Variants in SNX6 observed in about 807,000 individuals in gnomAD.
The protein encoded by SNX6 is sorting nexin 6.
Under a neutral mutation model 63.0 loss-of-function variants are expected in SNX6, and 34 were observed. The ratio of observed to expected loss-of-function variants is 0.54; its 90% CI spans 0.41 to 0.72. The LOEUF is 0.72. Among genes scored for constraint, SNX6 ranks in the 30% least tolerant of loss-of-function variants. The pLI is 0.00. For missense variants in SNX6, 398 were observed against 471.4 expected (o/e 0.84, Z 1.44); for synonymous variants, 170 against 164.2 (o/e 1.04, Z -0.27).
intron 11 of SNX6, chr14:34,569,269 T>G (rs1324597910): frequency 1.9e-6 from 1 of 514,502 alleles, no homozygotes; most frequent in Non-Finnish European, 3.5e-6. Flanking sequence ...CTCACAGAAC[T>G]GAGGATCACC....
chr14:34,580,712 T>C (rs1363572276), intron 10 of SNX6, among the ~76,000 whole-genome samples: 1 of 151,108 alleles, frequency 6.6e-6, no homozygotes, highest in Non-Finnish European at 1.5e-5. Flanking sequence ...CAGGATGGAG[T>C]GCAGATGCAC....
chr14:34,617,264 A>G (rs1174618080), intron 2 of SNX6, among the ~76,000 whole-genome samples: 1 of 152,204 alleles, frequency 6.6e-6, no homozygotes, highest in African/African-American at 2.4e-5. Context: ...ACAAAAAAAT[A>G]TGGATTAAGT....
chr14:34,617,934 G>A (rs1883483761), intron 2 of SNX6, among the ~76,000 whole-genome samples: 2 of 150,450 alleles, frequency 1.3e-5, no homozygotes, highest in East Asian at 2.0e-4. Flanking sequence ...AAAAAAAAAA[G>A]ACTTAGGAAG....
At chr14:34,563,734 A>G (rs952619792) in intron 13 of SNX6, among the ~76,000 whole-genome samples, 12 of 43,650 alleles carry the variant, frequency 2.7e-4, no homozygotes, top group African/African-American at 7.5e-4. Context: ...TCTTCAGTAA[A>G]TTTTTTTTCT....
chr14:34,623,437 A>AC (rs869245806), intron 2 of SNX6, among the ~76,000 whole-genome samples: 6 of 152,154 alleles, frequency 3.9e-5, no homozygotes, highest in African/African-American at 1.4e-4. Flanking sequence ...TTTGGACCTT[A>AC]CCCCCCAAAA....
Position 34,611,162 on chromosome 14 carries a change from T to C in SNX6, c.55-1420A>G, listed in dbSNP as rs568499804. Among the ~76,000 whole-genome samples, 89 of 152,296 alleles carry C rather than the reference T, an allele frequency of 5.8e-4. 3 individuals are homozygous for C. In the South Asian group the frequency reaches 0.017, roughly 29 times the overall value. ...CGTGCGCCCCCACATCCAGCTATTT[T>C]TGTAGTTTTTGGTAGAGAAGGGGTT... On this transcript the variant is annotated intron_variant, in intron 2 of 13. Coordinates refer to ENST00000362031, the MANE Select transcript of SNX6 (RefSeq NM_152233.4).
At chr14:34,613,345 G>A (rs925203139) in intron 2 of SNX6, among the ~76,000 whole-genome samples, 2 of 152,220 alleles carry the variant, frequency 1.3e-5, no homozygotes, top group Non-Finnish European at 2.9e-5. Context: ...CATCAAGTTT[G>A]TGGTAACTTG....
intron 2 of SNX6, among the ~76,000 whole-genome samples, chr14:34,612,373 T>C (rs1057007563): frequency 6.6e-6 from 1 of 152,202 alleles, no homozygotes; most frequent in Admixed American, 6.5e-5. Context: ...CATTCAATTA[T>C]GGATTTTGAG....
intron 2 of SNX6, among the ~76,000 whole-genome samples, chr14:34,624,038 T>C (rs72675239): frequency 0.023 from 3,438 of 152,170 alleles, 55 homozygotes; most frequent in Middle Eastern, 0.058. Context: ...GAGATGAAAA[T>C]GTGGCCAATA....
At chr14:34,578,146 G>A (rs1031992999) in intron 10 of SNX6, among the ~76,000 whole-genome samples, 1 of 152,138 alleles carries the variant, frequency 6.6e-6, no homozygotes, top group Non-Finnish European at 1.5e-5. Context: ...AAAGGTTGCA[G>A]TGAGCCAAGA....
intron 6 of SNX6, among the ~76,000 whole-genome samples, chr14:34,599,748 C>A (rs987430438): frequency 7.1e-6 from 1 of 141,006 alleles, no homozygotes. Context: ...TACTCCAGCC[C>A]GGGCAACAGA....
At chr14:34,622,029 G>A (rs1399496195) in intron 2 of SNX6, among the ~76,000 whole-genome samples, 1 of 140,760 alleles carries the variant, frequency 7.1e-6, no homozygotes, top group African/African-American at 2.7e-5. Context: ...CGTGATCTTG[G>A]CTCACTGCTA....
intron 11 of SNX6, among the ~76,000 whole-genome samples, chr14:34,569,979 C>T (rs1209243646): frequency 6.6e-6 from 1 of 152,072 alleles, no homozygotes; most frequent in Non-Finnish European, 1.5e-5. Flanking sequence ...AGTGGCTGAA[C>T]ATTTTACATT....
At chr14:34,581,173 G>C (rs1049629819) in intron 10 of SNX6, among the ~76,000 whole-genome samples, 1 of 152,002 alleles carries the variant, frequency 6.6e-6, no homozygotes, top group Non-Finnish European at 1.5e-5. Flanking sequence ...ATTTTTCTTT[G>C]AGACAGAGTC....
intron 8 of SNX6, among the ~76,000 whole-genome samples, chr14:34,589,429 C>A (rs1414100513): frequency 6.6e-6 from 1 of 151,970 alleles, no homozygotes; most frequent in East Asian, 1.9e-4. Context: ...CCAGCCTGGG[C>A]AACAGAATGA....
intron 2 of SNX6, among the ~76,000 whole-genome samples, chr14:34,611,804 AGTCTCGCTCT>A (rs1432185526): frequency 6.9e-6 from 1 of 145,970 alleles, no homozygotes; most frequent in Non-Finnish European, 1.5e-5. Context: ...TTGGAGACTG[AGTCTCGCTCT>A]GTCACCCAGA....
rs559605356 is a variant in SNX6 at position 34,627,867 on chromosome 14, T to C, written c.54+2040A>G. 4.5e-4 allele frequency among the ~76,000 whole-genome samples: 68 copies of C among 152,164 alleles called. 1 individual carries two copies. In the Middle Eastern group the frequency reaches 0.024, roughly 53 times the overall value. On this transcript the variant is annotated intron_variant, in intron 2 of 13. Coordinates refer to ENST00000362031, the MANE Select transcript of SNX6 (RefSeq NM_152233.4). ...GAATTCCTGCCTTAAACAATCCTCT[T>C]GCCTCGGCCTCCCAAAATGCTGGGA...
At chr14:34,593,300 CTT>C (rs1882472127) in intron 7 of SNX6, 150 bp from the exon 8 acceptor site, 2 of 571,570 alleles carry the variant, frequency 3.5e-6, no homozygotes, top group African/African-American at 3.8e-5. Context: ...ACCAACAAGA[CTT>C]TAATAGACAT....
intron 8 of SNX6, among the ~76,000 whole-genome samples, chr14:34,591,863 C>A (rs1882406883): frequency 6.6e-6 from 1 of 151,996 alleles, no homozygotes; most frequent in Non-Finnish European, 1.5e-5. Flanking sequence ...ATCAGTCATT[C>A]TCTAAAGTAA....
Sources: allele counts gnomAD v4.1 joint callset (sites outside exome capture counted in the v4.1 genomes callset), GRCh38; gene constraint gnomAD v4.1.1; transcripts MANE v1.5; gene names NCBI Gene and HGNC (gene_info 2026-07-23, HGNC 2026-07-21).